The following GPC6 variants were observed in gnomAD, a reference collection of about 807,000 sequenced individuals.
GPC6 encodes the protein glypican 6.
A neutral mutation model predicts 55.2 loss-of-function variants in GPC6; 14 were observed. The observed-to-expected ratio is 0.25, with a 90% CI of 0.17 to 0.40. The LOEUF is 0.40. GPC6 is among the 10% of genes least tolerant of loss of function. The probability of loss-of-function intolerance (pLI) is 1.00; values close to 1 mark genes in which losing one functional copy is unlikely to be tolerated. For missense variants in GPC6, 641 were observed against 708.5 expected (o/e 0.90, Z 1.08); for synonymous variants, 278 against 259.6 (o/e 1.07, Z -0.68).
intron 1 of GPC6, among the ~76,000 whole-genome samples, chr13:93,252,385 G>T (rs1472734054): frequency 6.6e-6 from 1 of 152,138 alleles, no homozygotes; most frequent in African/African-American, 2.4e-5. Context: ...TCTGATAAAA[G>T]ATTTTTCCAA....
chr13:93,507,117 A>G (rs1880765456), intron 1 of GPC6, among the ~76,000 whole-genome samples: 1 of 150,274 alleles, frequency 6.7e-6, no homozygotes. Context: ...CACTCAGACA[A>G]GGACTGGTCA....
At chr13:94,138,903 G>A (rs994868830) in intron 4 of GPC6, among the ~76,000 whole-genome samples, 2 of 152,016 alleles carry the variant, frequency 1.3e-5, no homozygotes, top group African/African-American at 2.4e-5. Context: ...TTAAGTCTCC[G>A]TCTAGGGCAA....
At chr13:93,640,777 TTCCC>T (rs1371992316) in intron 2 of GPC6, among the ~76,000 whole-genome samples, 1 of 75,120 alleles carries the variant, frequency 1.3e-5, no homozygotes, top group African/African-American at 6.4e-5. Flanking sequence ...CCCACTTTCC[TTCCC>T]TCCCTCCCTT....
At chr13:93,300,943 C>G (rs556827577) in intron 1 of GPC6, among the ~76,000 whole-genome samples, 1 of 151,954 alleles carries the variant, frequency 6.6e-6, no homozygotes, top group African/African-American at 2.4e-5. Context: ...CATTTGAACC[C>G]GGGAGGCAGA....
intron 1 of GPC6, among the ~76,000 whole-genome samples, chr13:93,388,975 T>G (rs927528232): frequency 2.0e-5 from 3 of 152,106 alleles, no homozygotes; most frequent in Non-Finnish European, 2.9e-5. Flanking sequence ...CTCTTTTATT[T>G]TAAAGAAATT....
chr13:93,499,515 AG>A (rs1181279385), intron 1 of GPC6, among the ~76,000 whole-genome samples: 6 of 152,218 alleles, frequency 3.9e-5, no homozygotes, highest in African/African-American at 1.4e-4. Flanking sequence ...GGACTGAGTT[AG>A]GGCACTTGTC....
chr13:94,037,755 G>A lies in GPC6; in HGVS notation c.877+9861G>A, dbSNP rs192270164. On this transcript the variant is annotated intron_variant, in intron 4 of 8. Coordinates refer to ENST00000377047, the MANE Select transcript of GPC6 (RefSeq NM_005708.5). The stretch of plus-strand genomic sequence containing the variant: ...CCAATTAACTCCTGCTGAGCATTTA[G>A]GAAGTAACTGTTAATCTGTGACTAC... 7.5e-4 allele frequency among the ~76,000 whole-genome samples: 114 copies of A among 152,000 alleles called. No individual in the cohort carries two copies. In the Middle Eastern group the frequency reaches 0.017, roughly 23 times the overall value.
intron 3 of GPC6, among the ~76,000 whole-genome samples, chr13:93,921,522 A>G (rs1446835026): frequency 1.3e-5 from 2 of 152,070 alleles, no homozygotes; most frequent in Non-Finnish European, 2.9e-5. Context: ...GGGATGGAGT[A>G]GGAAGATGAT....
chr13:93,303,185 A>G (rs139225445), intron 1 of GPC6, among the ~76,000 whole-genome samples: 62 of 152,290 alleles, frequency 4.1e-4, no homozygotes, highest in African/African-American at 1.5e-3. Flanking sequence ...GTTTGGAGCT[A>G]CCTGATTCAT....
intron 4 of GPC6, among the ~76,000 whole-genome samples, chr13:94,229,344 G>C (rs1566569213): frequency 6.6e-6 from 1 of 152,100 alleles, no homozygotes; most frequent in Non-Finnish European, 1.5e-5. Flanking sequence ...CAACACCTTG[G>C]AGGGCCTGGT....
chr13:93,818,112 T>C (rs1886926373), intron 2 of GPC6, among the ~76,000 whole-genome samples: 1 of 147,966 alleles, frequency 6.8e-6, no homozygotes, highest in Non-Finnish European at 1.5e-5. Flanking sequence ...TATATAATAA[T>C]TTATATATAC....
At chr13:94,400,082 G>A (rs1881062171) in intron 8 of GPC6, among the ~76,000 whole-genome samples, 1 of 152,212 alleles carries the variant, frequency 6.6e-6, no homozygotes, top group Non-Finnish European at 1.5e-5. Context: ...GAATGGCCAG[G>A]AGGCAGAGAT....
intron 1 of GPC6, among the ~76,000 whole-genome samples, chr13:93,419,728 A>T (rs923011055): frequency 2.6e-5 from 4 of 152,126 alleles, no homozygotes; most frequent in Non-Finnish European, 4.4e-5. Flanking sequence ...TTCCTTCATG[A>T]CAGCCATCCT....
intron 1 of GPC6, among the ~76,000 whole-genome samples, chr13:93,466,259 A>G (rs1878900777): frequency 6.6e-6 from 1 of 152,188 alleles, no homozygotes; most frequent in South Asian, 2.1e-4. Context: ...GAAGTACAAT[A>G]AAATGAAGCA....
At position 94,282,730 on chromosome 13, in the gene GPC6, C is replaced by T. The variant is rs545671539; in HGVS notation, c.878-3619C>T. Among the ~76,000 whole-genome samples, 3 of 152,290 alleles carry T rather than the reference C, an allele frequency of 2.0e-5. No homozygotes were observed. The South Asian group carries it at 6.2e-4, about 32-fold the overall frequency. ...ATCTAGGCTCAACTGGGACTGTCATCTGGAATCCCTACACATGCCCTCTCC... is the reference window on the plus strand; with the variant it reads ...ATCTAGGCTCAACTGGGACTGTCATTTGGAATCCCTACACATGCCCTCTCC... On this transcript the variant is annotated intron_variant, in intron 4 of 8. Transcript: ENST00000377047.
At chr13:93,661,898 T>C (rs1880936953) in intron 2 of GPC6, among the ~76,000 whole-genome samples, 1 of 152,178 alleles carries the variant, frequency 6.6e-6, no homozygotes, top group South Asian at 2.1e-4. Flanking sequence ...ACTATATGTT[T>C]CAGATAACTC....
At chr13:94,308,721 G>A (rs993601723) in intron 6 of GPC6, among the ~76,000 whole-genome samples, 7 of 152,110 alleles carry the variant, frequency 4.6e-5, no homozygotes, top group Admixed American at 1.3e-4. Flanking sequence ...AATTAGTGAC[G>A]TGTAATGCAC....
At chr13:93,246,167 T>G (rs891185532) in intron 1 of GPC6, among the ~76,000 whole-genome samples, 4 of 152,198 alleles carry the variant, frequency 2.6e-5, no homozygotes, top group Non-Finnish European at 5.9e-5. Flanking sequence ...ACTTTTAGAC[T>G]GTTATGCAAG....
chr13:93,374,143 A>G (rs976996663), intron 1 of GPC6, among the ~76,000 whole-genome samples: 3 of 152,198 alleles, frequency 2.0e-5, no homozygotes, highest in African/African-American at 7.2e-5. Flanking sequence ...ATCTGAAATC[A>G]ATCTTTAAAG....
Sources: gnomAD v4.1 joint callset for allele counts (sites outside exome capture counted in the v4.1 genomes callset) on GRCh38, gnomAD v4.1.1 for gene constraint, MANE v1.5 for transcripts, NCBI Gene and HGNC (gene_info 2026-07-23, HGNC 2026-07-21) for gene names.